The following SCFD2 variants were observed in gnomAD, a reference collection of about 807,000 sequenced individuals.
The protein encoded by SCFD2 is sec1 family domain containing 2.
A neutral mutation model predicts 58.9 loss-of-function variants in SCFD2; 54 were observed. That is an observed-to-expected ratio of 0.92 (90% CI 0.74 to 1.15). The LOEUF (loss-of-function observed/expected upper bound fraction) is 1.15, where lower values mean the gene tolerates loss of function less well. Among genes scored for constraint, SCFD2 ranks in the 50% most tolerant of loss-of-function variants. The pLI, the probability that SCFD2 is intolerant of heterozygous loss-of-function variation, is 0.00. For missense variants in SCFD2, 805 were observed against 836.6 expected (o/e 0.96, Z 0.47); for synonymous variants, 321 against 335.9 (o/e 0.96, Z 0.49).
chr4:53,350,214 G>A (rs549869796), intron 2 of SCFD2, among the ~76,000 whole-genome samples: 2 of 151,996 alleles, frequency 1.3e-5, no homozygotes, highest in East Asian at 1.9e-4. Flanking sequence ...CCACCCCTCC[G>A]CCATGCCATA....
At position 53,021,235 on chromosome 4, in the gene SCFD2, A is replaced by T. The variant is rs535468632; in HGVS notation, c.1562-100365T>A. Reference sequence around the variant, plus strand: ...ATCTAAATGACCTGAATAATTTTACATGTCCTGTGAGTTTCAACAACACAA... The same window carrying T: ...ATCTAAATGACCTGAATAATTTTACTTGTCCTGTGAGTTTCAACAACACAA... On this transcript the variant is annotated intron_variant, in intron 5 of 8. Transcript: ENST00000401642. Among the ~76,000 whole-genome samples, 3 of 152,336 alleles carry T rather than the reference A, an allele frequency of 2.0e-5. No homozygotes were observed. In the South Asian group the frequency reaches 6.2e-4, roughly 32 times the overall value.
Position 52,920,668 on chromosome 4 carries a change from C to G in SCFD2, c.1707+57G>C. 4 of 1,288,502 alleles carry G rather than the reference C, an allele frequency of 3.1e-6. No homozygotes were observed. In the South Asian group the frequency reaches 6.2e-5, roughly 20 times the overall value. The allele number at this position is 1,288,502 out of a possible 1,614,324, so 79.8% of individuals were successfully genotyped here. ...AAAAGGGAACCTTTTCTTCTATAGACTCTGAATCCTAGAAGTACAACAGAT... is the reference window on the plus strand; with the variant it reads ...AAAAGGGAACCTTTTCTTCTATAGAGTCTGAATCCTAGAAGTACAACAGAT... On this transcript the variant is annotated intron_variant, in intron 6 of 8. Transcript: ENST00000401642.
chr4:52,976,769 C>T (rs1721268638), intron 5 of SCFD2, among the ~76,000 whole-genome samples: 1 of 152,152 alleles, frequency 6.6e-6, no homozygotes, highest in Non-Finnish European at 1.5e-5. Flanking sequence ...CAGCAGCACA[C>T]CTCATCACAG....
chr4:53,179,327 G>A, intron 4 of SCFD2, among the ~76,000 whole-genome samples: 1 of 152,174 alleles, frequency 6.6e-6, no homozygotes, highest in East Asian at 1.9e-4. Flanking sequence ...CAAGCCAGAA[G>A]AGAGTGGGGA....
At chr4:53,250,475 C>A (rs552746142) in intron 4 of SCFD2, among the ~76,000 whole-genome samples, 33 of 152,240 alleles carry the variant, frequency 2.2e-4, no homozygotes, top group African/African-American at 7.2e-4. Context: ...CAGAACTCTC[C>A]ACCCCAAATC....
At chr4:53,152,274 C>T (rs1236727867) in intron 4 of SCFD2, among the ~76,000 whole-genome samples, 2 of 151,810 alleles carry the variant, frequency 1.3e-5, no homozygotes, top group Non-Finnish European at 2.9e-5. Context: ...GGCACATATA[C>T]ATGTACTCAG....
At chr4:53,314,591 T>C (rs1732799410) in intron 2 of SCFD2, among the ~76,000 whole-genome samples, 1 of 152,162 alleles carries the variant, frequency 6.6e-6, no homozygotes, top group South Asian at 2.1e-4. Flanking sequence ...TAAAGACTTT[T>C]TCCTCCAATT....
chr4:53,128,728 A>C (rs1297613814), intron 5 of SCFD2, among the ~76,000 whole-genome samples: 1 of 152,232 alleles, frequency 6.6e-6, no homozygotes, highest in African/African-American at 2.4e-5. Context: ...ATATGAAAAT[A>C]TGTGCTTCAC....
intron 5 of SCFD2, among the ~76,000 whole-genome samples, chr4:53,095,254 T>C (rs1260138841): frequency 6.6e-6 from 1 of 152,154 alleles, no homozygotes. Flanking sequence ...AGTGAACTTA[T>C]GTTCTTCCCT....
chr4:53,297,970 C>A (rs554914522), intron 3 of SCFD2, among the ~76,000 whole-genome samples: 58 of 151,772 alleles, frequency 3.8e-4, no homozygotes, highest in Admixed American at 3.7e-3. Flanking sequence ...GGTGCTGGAG[C>A]CAAGATGGCC....
chr4:53,236,043 T>C (rs11947928), intron 4 of SCFD2, among the ~76,000 whole-genome samples: 18,486 of 152,124 alleles, frequency 0.12, 1,285 homozygotes, highest in East Asian at 0.22. Context: ...GGATACGAAG[T>C]ATTGATTCTG....
chr4:53,082,025 G>A (rs892846581), intron 5 of SCFD2, among the ~76,000 whole-genome samples: 3 of 152,178 alleles, frequency 2.0e-5, no homozygotes, highest in African/African-American at 7.2e-5. Context: ...GTTGTAGCAT[G>A]TGTCAGTACT....
At chr4:52,890,711 T>C (rs574166081) in intron 7 of SCFD2, among the ~76,000 whole-genome samples, 21 of 152,340 alleles carry the variant, frequency 1.4e-4, no homozygotes, top group African/African-American at 5.1e-4. Context: ...TTTTAAGACA[T>C]CAGTTCTGGT....
intron 4 of SCFD2, among the ~76,000 whole-genome samples, chr4:53,242,638 G>A (rs1157607253): frequency 6.6e-6 from 1 of 152,134 alleles, no homozygotes; most frequent in Non-Finnish European, 1.5e-5. Context: ...TGAGATGGCT[G>A]AAATAACAGA....
intron 4 of SCFD2, among the ~76,000 whole-genome samples, chr4:53,201,181 C>A (rs184111462): frequency 6.6e-5 from 10 of 151,528 alleles, no homozygotes; most frequent in East Asian, 3.9e-4. Context: ...CTCCTCCCCC[C>A]ACCCCACAAC....
At chr4:53,054,366 T>TC (rs1253949126) in intron 5 of SCFD2, among the ~76,000 whole-genome samples, 1 of 152,166 alleles carries the variant, frequency 6.6e-6, no homozygotes, top group Admixed American at 6.5e-5. Context: ...TGTCCGCTTC[T>TC]CCCCCTAGAC....
chr4:53,263,312 G>C (rs1404455747), intron 4 of SCFD2, among the ~76,000 whole-genome samples: 5 of 152,144 alleles, frequency 3.3e-5, no homozygotes, highest in African/African-American at 4.8e-5. Flanking sequence ...TTTTGGGGCT[G>C]TTAAAGAACC....
intron 7 of SCFD2, 86 bp from the exon 8 acceptor site, chr4:52,885,952 T>G: frequency 6.5e-7 from 1 of 1,541,432 alleles, no homozygotes; most frequent in Non-Finnish European, 8.9e-7. Flanking sequence ...TGTCCCTCTG[T>G]AGAAACCTCA....
intron 5 of SCFD2, among the ~76,000 whole-genome samples, chr4:52,972,280 T>G (rs953331585): frequency 6.6e-6 from 1 of 152,140 alleles, no homozygotes. Context: ...CCATCTCATG[T>G]GCAGAGACAC....
Sources: allele counts gnomAD v4.1 joint callset (sites outside exome capture counted in the v4.1 genomes callset), GRCh38; gene constraint gnomAD v4.1.1; transcripts MANE v1.5; gene names NCBI Gene and HGNC (gene_info 2026-07-23, HGNC 2026-07-21).